The following BMF variants were observed in gnomAD, a reference collection of about 807,000 sequenced individuals.
The protein encoded by BMF is Bcl2 modifying factor.
Under a neutral mutation model 22.0 loss-of-function variants are expected in BMF, and 10 were observed. The observed-to-expected ratio is 0.45, with a 90% CI of 0.28 to 0.77. BMF has a LOEUF of 0.77. BMF is among the 30% of genes least tolerant of loss of function. The probability of loss-of-function intolerance (pLI) is 0.13; values close to 1 mark genes in which losing one functional copy is unlikely to be tolerated. For missense variants in BMF, 206 were observed against 226.8 expected, an observed-to-expected ratio of 0.91 and a Z score of 0.59; for synonymous variants, 87 against 88.1, an observed-to-expected ratio of 0.99 and a Z score of 0.07.
At chr15:40,104,848 G>A (rs958682184) in intron 3 of BMF, among the ~76,000 whole-genome samples, 1 of 152,192 alleles carries the variant, frequency 6.6e-6, no homozygotes, top group African/African-American at 2.4e-5. Context: ...AGCACAAAAA[G>A]AGGGAGAGAA....
intron 4 of BMF, among the ~76,000 whole-genome samples, chr15:40,095,441 A>G (rs1013969239): frequency 1.3e-5 from 2 of 152,124 alleles, no homozygotes; most frequent in African/African-American, 4.8e-5. Context: ...CTTCCACAAG[A>G]GGGTGTGGAG....
chr15:40,092,467 A>G (rs1267468030), intron 4 of BMF, among the ~76,000 whole-genome samples: 1 of 151,844 alleles, frequency 6.6e-6, no homozygotes, highest in Non-Finnish European at 1.5e-5. Context: ...ACACACACAC[A>G]CACACACACC....
chr15:40,092,855 G>C (rs961500522), intron 4 of BMF, among the ~76,000 whole-genome samples: 13 of 152,100 alleles, frequency 8.5e-5, no homozygotes, highest in Non-Finnish European at 1.8e-4. Context: ...AGGGCAGGAG[G>C]ACTGGGCGGG....
At chr15:40,108,686 C>G (rs1359516723) in intron 1 of BMF, 87 bp downstream of exon 1, 1 of 152,738 alleles carries the variant, frequency 6.5e-6, no homozygotes, top group Admixed American at 6.5e-5. Context: ...TCCCGGGCCC[C>G]CGTGCGCAGC....
At chr15:40,097,204 CTACCAAGCACCCAACTGAG>C (rs2036382326) in intron 4 of BMF, among the ~76,000 whole-genome samples, 1 of 150,442 alleles carries the variant, frequency 6.6e-6, no homozygotes, top group African/African-American at 2.5e-5. Context: ...CCCAACTGAG[CTACCAAGCACCCAACTGAG>C]CTACCAAGCA....
chr15:40,104,103 G>A, intron 4 of BMF, 77 bp downstream of exon 4: 1 of 1,565,490 alleles, frequency 6.4e-7, no homozygotes, highest in Non-Finnish European at 8.8e-7. Flanking sequence ...CAGAGTTGCT[G>A]ACAAGAGGAG....
Position 40,106,047 on chromosome 15 carries a change from C to T in BMF, c.40G>A (p.Val14Met), listed in dbSNP as rs1370283000. 6.2e-7 allele frequency: 1 copy of T among 1,612,472 alleles called. No individual in the cohort carries two copies. Among genetic ancestry groups the T allele is most frequent in the African/African-American group, 1.3e-5 (1 of 74,920 alleles). Residue 14 changes from valine (V) to methionine (M), a missense_variant, in exon 3 of 5, where the codon GTG (valine) becomes ATG (methionine). Val to Met is a conservative substitution (Grantham distance 21). Coordinates refer to ENST00000354670, the MANE Select transcript of BMF (RefSeq NM_001003940.2). The surrounding 1 kb of genome is among the most constrained non-coding windows in gnomAD (Gnocchi z 4.1). Reference protein sequence around the residue: ...SQCVEELEDDVFQPEDGEPVT... With the variant: ...SQCVEELEDDMFQPEDGEPVT... ...GGCTCCCCATCCTCTGGTTGGAACA[C>T]ATCATCCTCCAGCTCCTCCACACAC...
rs1293572001 is a variant in BMF at position 40,091,658 on chromosome 15, T to C, written c.*129A>G. The C allele has an allele frequency of 9.9e-6, 7 of 708,982 alleles. No homozygotes were observed. Among genetic ancestry groups the C allele is most frequent in the East Asian group, 5.4e-5 (2 of 36,796 alleles). 43.9% of individuals were successfully genotyped at this position (708,982 alleles called of 1,614,324 possible). A position where few individuals can be genotyped will look rare whatever the true frequency, so the allele number is the denominator to read the frequency against. On this transcript the variant is annotated 3_prime_UTR_variant, in exon 5 of 5. Coordinates refer to ENST00000354670, the MANE Select transcript of BMF (RefSeq NM_001003940.2). ...TGTTGTATGTACACTCAGAGAGAAATTAAAAAAAATTAAAACACAAAATAA... is the reference window on the plus strand; with the variant it reads ...TGTTGTATGTACACTCAGAGAGAAACTAAAAAAAATTAAAACACAAAATAA...
At chr15:40,100,304 G>A (rs147033697) in intron 4 of BMF, among the ~76,000 whole-genome samples, 1 of 152,330 alleles carries the variant, frequency 6.6e-6, no homozygotes, top group East Asian at 1.9e-4. Context: ...CAGCCCAGGG[G>A]CTCAGGGAGG....
chr15:40,097,152 C>G (rs541437327), intron 4 of BMF, among the ~76,000 whole-genome samples: 7 of 148,636 alleles, frequency 4.7e-5, no homozygotes, highest in Non-Finnish European at 7.4e-5. Context: ...TTTAATGAAG[C>G]ACCCAACTGA....
chr15:40,107,098 G>A (rs1431161931), intron 2 of BMF, among the ~76,000 whole-genome samples: 1 of 152,194 alleles, frequency 6.6e-6, no homozygotes, highest in Non-Finnish European at 1.5e-5. Context: ...GCTCTTGAAA[G>A]TCTGAGCTTG....
chr15:40,098,903 A>G (rs76900372), intron 4 of BMF, among the ~76,000 whole-genome samples: 5,459 of 152,262 alleles, frequency 0.036, 326 homozygotes, highest in African/African-American at 0.12. Context: ...CTAGTCTGCC[A>G]CGCTGATGAC....
At chr15:40,098,655 G>A (rs1217375490) in intron 4 of BMF, among the ~76,000 whole-genome samples, 1 of 152,102 alleles carries the variant, frequency 6.6e-6, no homozygotes, top group African/African-American at 2.4e-5. Flanking sequence ...TCTGGTCATG[G>A]AACATGACCT....
At chr15:40,092,485 G>T (rs535047468) in intron 4 of BMF, among the ~76,000 whole-genome samples, 1 of 151,912 alleles carries the variant, frequency 6.6e-6, no homozygotes, top group Non-Finnish European at 1.5e-5. Context: ...ACCCTTGTGC[G>T]CCCGCCCGCT....
Position 40,088,986 on chromosome 15 carries a change from A to G in BMF, c.*2801T>C, listed in dbSNP as rs2140982450. Reference sequence around the variant, plus strand: ...ATTAGAAGGGCTGTTTTGACCCTGAATATCAGGCTTCCCTTCCTCCCAGGC... The same window carrying G: ...ATTAGAAGGGCTGTTTTGACCCTGAGTATCAGGCTTCCCTTCCTCCCAGGC... On this transcript the variant is annotated 3_prime_UTR_variant, in exon 5 of 5. Transcript: ENST00000354670. 1 of 152,774 alleles carries G rather than the reference A, an allele frequency of 6.5e-6. No homozygotes were observed. Among genetic ancestry groups the G allele is most frequent in the East Asian group, 1.9e-4 (1 of 5,188 alleles). The allele number at this position is 152,774 out of a possible 1,614,324, so 9.5% of individuals were successfully genotyped here.
Position 40,091,816 on chromosome 15 carries a change from C to T in BMF, c.526G>A (p.Glu176Lys). 1.9e-6 allele frequency: 3 copies of T among 1,610,514 alleles called. No homozygotes were observed. The highest frequency in any genetic ancestry group is 1.7e-6 in the Non-Finnish European group (2 of 1,178,780). ...FLHNLALNGE[E>K]NRNGAGPR ...CTAGGGCCTGCCCCGTTCCTGTTCTCTTCTCCATTCAAAGCAAGGTTGTGC... is the reference window on the plus strand; with the variant it reads ...CTAGGGCCTGCCCCGTTCCTGTTCTTTTCTCCATTCAAAGCAAGGTTGTGC... The change falls in exon 5 of 5, where the codon GAG (glutamate) becomes AAG (lysine). Residue 176 changes from glutamate to lysine, a missense_variant. By Grantham distance (56) the Glu-to-Lys change is moderately conservative. Coordinates refer to ENST00000354670, the MANE Select transcript of BMF (RefSeq NM_001003940.2).
intron 4 of BMF, among the ~76,000 whole-genome samples, chr15:40,095,527 C>T (rs11637595): frequency 0.2 from 30,738 of 152,128 alleles, 3,721 homozygotes; most frequent in South Asian, 0.32. Context: ...CAGCACCCAG[C>T]GCACAATCTG....
intron 4 of BMF, among the ~76,000 whole-genome samples, chr15:40,103,838 G>A (rs892615133): frequency 6.6e-6 from 1 of 152,170 alleles, no homozygotes; most frequent in Non-Finnish European, 1.5e-5. Context: ...CTTCCTCTTA[G>A]GTCCGTGAGG....
At chr15:40,103,613 G>T (rs1223105007) in intron 4 of BMF, among the ~76,000 whole-genome samples, 1 of 152,238 alleles carries the variant, frequency 6.6e-6, no homozygotes, top group African/African-American at 2.4e-5. Flanking sequence ...CCGGTCTGGG[G>T]AGCCTCTCCG....
Sources: allele counts gnomAD v4.1 joint callset (sites outside exome capture counted in the v4.1 genomes callset), GRCh38; gene constraint gnomAD v4.1.1; non-coding constraint Gnocchi (gnomAD v3.1); transcripts MANE v1.5; gene names NCBI Gene and HGNC (gene_info 2026-07-23, HGNC 2026-07-21).